NDST4: variants seen among roughly 807,000 people sequenced by gnomAD.
NDST4 encodes N-heparan sulfate sulfotransferase 4.
NDST4 carries 63 observed loss-of-function variants against 100.8 expected under a neutral mutation model. The ratio of observed to expected loss-of-function variants is 0.62; its 90% CI spans 0.51 to 0.77. The LOEUF is 0.77. Among genes scored for constraint, NDST4 ranks in the 30% least tolerant of loss-of-function variants. The probability of loss-of-function intolerance (pLI) is 0.00; values close to 1 mark genes in which losing one functional copy is unlikely to be tolerated. For synonymous variants in NDST4, 377 were observed against 361.8 expected (o/e 1.04, Z -0.48); for missense variants, 943 against 1,018.4 (o/e 0.93, Z 1.01).
chr4:114,842,660 G>A (rs555605841), intron 10 of NDST4: 54 of 208,064 alleles, frequency 2.6e-4, no homozygotes, highest in Middle Eastern at 1.7e-3. Flanking sequence ...AATTAGCCAG[G>A]CATGGTGGCA....
At chr4:115,003,671 G>A (rs916073166) in intron 2 of NDST4, among the ~76,000 whole-genome samples, 1 of 151,972 alleles carries the variant, frequency 6.6e-6, no homozygotes, top group Non-Finnish European at 1.5e-5. Context: ...TTTGAGGCCA[G>A]CCTGACCAAT....
chr4:115,031,260 GC>G (rs2126269766), intron 2 of NDST4, among the ~76,000 whole-genome samples: 2 of 152,100 alleles, frequency 1.3e-5, no homozygotes, highest in African/African-American at 4.8e-5. Flanking sequence ...TGTTTTTAAT[GC>G]CTCCTGCTCC....
chr4:114,980,620 C>T (rs946416848), intron 2 of NDST4, among the ~76,000 whole-genome samples: 9 of 151,282 alleles, frequency 5.9e-5, no homozygotes, highest in Admixed American at 3.3e-4. Flanking sequence ...CCAGCCTGGG[C>T]GACAAGAGTG....
At chr4:114,970,633 C>T in intron 3 of NDST4, 49 bp from the exon 4 acceptor site, 1 of 1,499,974 alleles carries the variant, frequency 6.7e-7, no homozygotes, top group African/African-American at 1.4e-5. Context: ...TTCTTACTAT[C>T]TTAAAGGTTA....
chr4:114,868,154 T>C (rs182812554), intron 7 of NDST4, among the ~76,000 whole-genome samples: 7 of 152,276 alleles, frequency 4.6e-5, no homozygotes, highest in Admixed American at 1.3e-4. Context: ...GTTTTAAACA[T>C]GAAATATACT....
intron 3 of NDST4, 70 bp from the exon 4 acceptor site, chr4:114,970,654 A>G: frequency 2.2e-6 from 3 of 1,335,836 alleles, no homozygotes; most frequent in Admixed American, 4.7e-5. Flanking sequence ...TTTTTGTCAG[A>G]TTTATGTTAA....
chr4:114,987,408 T>G (rs1726937878), intron 2 of NDST4, among the ~76,000 whole-genome samples: 1 of 152,156 alleles, frequency 6.6e-6, no homozygotes, highest in Non-Finnish European at 1.5e-5. Context: ...TTGCATTGCA[T>G]GTGGAAGCTC....
At chr4:114,990,470 A>G (rs1026828889) in intron 2 of NDST4, among the ~76,000 whole-genome samples, 3 of 152,116 alleles carry the variant, frequency 2.0e-5, no homozygotes, top group East Asian at 1.9e-4. Flanking sequence ...AAGATATTTT[A>G]TAAACTACAA....
chr4:114,965,732 T>C (rs1298752342), intron 4 of NDST4, among the ~76,000 whole-genome samples: 2 of 152,064 alleles, frequency 1.3e-5, no homozygotes, highest in Non-Finnish European at 1.5e-5. Flanking sequence ...TGAGTTTATA[T>C]GTAAAACTTA....
chr4:114,942,357 G>A (rs921363531), intron 4 of NDST4, among the ~76,000 whole-genome samples: 2 of 152,006 alleles, frequency 1.3e-5, no homozygotes, highest in Non-Finnish European at 2.9e-5. Context: ...TTAATTTTTG[G>A]TGAATTTTAA....
chr4:115,048,016 T>A (rs111690280), intron 2 of NDST4, among the ~76,000 whole-genome samples: 1 of 152,126 alleles, frequency 6.6e-6, no homozygotes, highest in East Asian at 1.9e-4. Flanking sequence ...GAAAAGCTAT[T>A]TTGTATTCTT....
intron 6 of NDST4, among the ~76,000 whole-genome samples, chr4:114,929,113 C>CATCT (rs70964332): frequency 0.01 from 1,221 of 117,120 alleles, 18 homozygotes; most frequent in East Asian, 0.023. Flanking sequence ...TCCATCCATC[C>CATCT]ATCTATCTAT....
In NDST4 at chr4:114,941,494, A is replaced by AT. The variant is rs1254368509; in HGVS notation, c.1222-3992dup. 7.9e-5 allele frequency among the ~76,000 whole-genome samples: 12 copies of AT among 151,994 alleles called. No individual in the cohort carries two copies. In the South Asian group the frequency reaches 1.0e-3, roughly 13 times the overall value. ...TTTCTCAAACTCCTCTGCAGCTATC[A>AT]TTTTTTTTATGAAAATGAGTTTCAG... On this transcript the variant is annotated intron_variant, in intron 4 of 13. Coordinates refer to ENST00000264363, the MANE Select transcript of NDST4 (RefSeq NM_022569.3).
intron 4 of NDST4, among the ~76,000 whole-genome samples, chr4:114,958,371 T>C (rs1252430697): frequency 6.8e-6 from 1 of 147,860 alleles, no homozygotes; most frequent in Admixed American, 6.6e-5. Flanking sequence ...TTACAGTTTG[T>C]AACATGTTCC....
At chr4:114,911,875 G>A (rs76489725) in intron 6 of NDST4, among the ~76,000 whole-genome samples, 2,455 of 152,126 alleles carry the variant, frequency 0.016, 75 homozygotes, top group African/African-American at 0.057. Context: ...ACCATCTAAT[G>A]CTATCATTTA....
chr4:115,106,053 G>T (rs1023710549), intron 1 of NDST4, among the ~76,000 whole-genome samples: 6 of 152,090 alleles, frequency 3.9e-5, no homozygotes, highest in Non-Finnish European at 5.9e-5. Context: ...TGGATAAATG[G>T]GGAGCGCTGA....
At chr4:115,073,543 T>A (rs879514907) in intron 2 of NDST4, among the ~76,000 whole-genome samples, 8 of 151,964 alleles carry the variant, frequency 5.3e-5, no homozygotes, top group Non-Finnish European at 1.0e-4. Flanking sequence ...GGACATTATG[T>A]TAAGTGAAAT....
At chr4:115,038,788 C>G (rs1334896299) in intron 2 of NDST4, among the ~76,000 whole-genome samples, 4 of 152,094 alleles carry the variant, frequency 2.6e-5, no homozygotes, top group Admixed American at 2.6e-4. Context: ...CCAGCTTGGG[C>G]AACATAGTAA....
rs193083723 is a variant in NDST4 at position 114,839,988 on chromosome 4, A to G, written c.2116-440T>C. On this transcript the variant is annotated intron_variant, in intron 10 of 13. Transcript: ENST00000264363. Reference sequence around the variant, plus strand: ...GAAAAATTTAGATTTTGCAAGAATAATCTTTTTAAGAGTAGTCTTACATGT... The same window carrying G: ...GAAAAATTTAGATTTTGCAAGAATAGTCTTTTTAAGAGTAGTCTTACATGT... 3.5e-3 allele frequency among the ~76,000 whole-genome samples: 536 copies of G among 152,264 alleles called. 2 individuals are homozygous for G. Among genetic ancestry groups the G allele is most frequent in the Admixed American group, 8.7e-3 (133 of 15,298 alleles).
Sources: allele counts gnomAD v4.1 joint callset (sites outside exome capture counted in the v4.1 genomes callset), GRCh38; gene constraint gnomAD v4.1.1; transcripts MANE v1.5; gene names NCBI Gene and HGNC (gene_info 2026-07-23, HGNC 2026-07-21).